MCHR2: variants seen among roughly 807,000 people sequenced by gnomAD.
The protein encoded by MCHR2 is melanin-concentrating hormone receptor 2.
Under a neutral mutation model 24.8 loss-of-function variants are expected in MCHR2, and 15 were observed. The observed-to-expected ratio is 0.60, with a 90% CI of 0.40 to 0.93. MCHR2 has a LOEUF of 0.93. MCHR2 is among the 40% of genes least tolerant of loss of function. The pLI is 0.00. For missense variants in MCHR2, 386 were observed against 408.7 expected, an observed-to-expected ratio of 0.94 and a Z score of 0.48; for synonymous variants, 151 against 147.6, an observed-to-expected ratio of 1.02 and a Z score of -0.17.
chr6:99,939,872 GT>G (rs34233035), intron 4 of MCHR2, among the ~76,000 whole-genome samples: 6,562 of 107,936 alleles, frequency 0.061, 118 homozygotes, highest in African/African-American at 0.076. Context: ...GATGGCAGGT[GT>G]TTTTTTTTTT....
intron 1 of MCHR2, among the ~76,000 whole-genome samples, chr6:99,970,926 T>C (rs570010159): frequency 0.019 from 2,891 of 152,314 alleles, 32 homozygotes; most frequent in Middle Eastern, 0.048. Context: ...TCTATATCTC[T>C]GTTTTGGTAC....
intron 1 of MCHR2, among the ~76,000 whole-genome samples, chr6:99,972,722 T>C (rs374334920): frequency 4.3e-4 from 66 of 152,262 alleles, no homozygotes; most frequent in African/African-American, 1.2e-3. Flanking sequence ...TCCCTCTACA[T>C]ACTGCTTTGA....
At chr6:99,961,548 C>T (rs1177828606) in intron 1 of MCHR2, among the ~76,000 whole-genome samples, 1 of 152,096 alleles carries the variant, frequency 6.6e-6, no homozygotes, top group African/African-American at 2.4e-5. Context: ...AAGTTCATGT[C>T]CTTTGCGGGG....
chr6:99,926,977 G>T (rs573601840), intron 5 of MCHR2, among the ~76,000 whole-genome samples: 1 of 151,956 alleles, frequency 6.6e-6, no homozygotes, highest in Non-Finnish European at 1.5e-5. Flanking sequence ...TAGGTCTAAC[G>T]TTAAGTCTTT....
intron 1 of MCHR2, among the ~76,000 whole-genome samples, chr6:99,987,082 G>A (rs1379999521): frequency 2.0e-5 from 3 of 147,206 alleles, no homozygotes; most frequent in East Asian, 3.9e-4. Flanking sequence ...TGTTTGTTGT[G>A]TTGTGTTGTA....
At chr6:99,947,690 G>T in intron 3 of MCHR2, 72 bp downstream of exon 3, 1 of 1,481,150 alleles carries the variant, frequency 6.8e-7, no homozygotes, top group South Asian at 1.3e-5. Context: ...ACTGGTGTTG[G>T]AATTGGAATG....
At chr6:99,982,219 TG>T (rs1311687670) in intron 1 of MCHR2, among the ~76,000 whole-genome samples, 1 of 152,066 alleles carries the variant, frequency 6.6e-6, no homozygotes, top group Non-Finnish European at 1.5e-5. Flanking sequence ...CAGTCTTTTG[TG>T]GTCCATTTCA....
In MCHR2 at chr6:99,978,153, A is replaced by G. The variant is rs962021720; in HGVS notation, c.-28+15783T>C. Reference sequence around the variant, plus strand: ...CAGAGACAAGGTAGGTTTCCACTTGATTAGCAGCATTTCAGCGGCTCCAGG... The same window carrying G: ...CAGAGACAAGGTAGGTTTCCACTTGGTTAGCAGCATTTCAGCGGCTCCAGG... On this transcript the variant is annotated intron_variant, in intron 1 of 5. Coordinates refer to ENST00000281806, the MANE Select transcript of MCHR2 (RefSeq NM_001040179.2). Among the ~76,000 whole-genome samples, 17 of 152,172 alleles carry G rather than the reference A, an allele frequency of 1.1e-4. No individual in the cohort carries two copies. In the East Asian group the frequency reaches 3.3e-3, roughly 29 times the overall value.
intron 1 of MCHR2, among the ~76,000 whole-genome samples, chr6:99,978,300 C>T (rs935558006): frequency 6.6e-6 from 1 of 152,054 alleles, no homozygotes; most frequent in South Asian, 2.1e-4. Context: ...GTATTCAATG[C>T]ATGACACAGA....
At chr6:99,962,026 T>A (rs1241936633) in intron 1 of MCHR2, among the ~76,000 whole-genome samples, 1 of 152,180 alleles carries the variant, frequency 6.6e-6, no homozygotes, top group Non-Finnish European at 1.5e-5. Flanking sequence ...TTTTTAAAAT[T>A]TCTTTATTAA....
At chr6:99,924,972 G>T (rs1774319358) in intron 5 of MCHR2, among the ~76,000 whole-genome samples, 1 of 152,076 alleles carries the variant, frequency 6.6e-6, no homozygotes, top group Non-Finnish European at 1.5e-5. Context: ...CTGGCTGGAA[G>T]ATTTGTTCAA....
chr6:99,936,622 A>C (rs542387339), intron 4 of MCHR2, among the ~76,000 whole-genome samples: 8 of 151,864 alleles, frequency 5.3e-5, no homozygotes, highest in Non-Finnish European at 1.0e-4. Flanking sequence ...GTCGGGTAGC[A>C]TGATGCCTCT....
At chr6:99,993,618 C>G (rs112305217) in intron 1 of MCHR2, among the ~76,000 whole-genome samples, 56 of 152,278 alleles carry the variant, frequency 3.7e-4, no homozygotes, top group Non-Finnish European at 4.7e-4. Context: ...CCAGCGGTCT[C>G]GGTCGGGGCC....
At chr6:99,961,657 G>T (rs901770665) in intron 1 of MCHR2, among the ~76,000 whole-genome samples, 2 of 152,110 alleles carry the variant, frequency 1.3e-5, no homozygotes, top group African/African-American at 4.8e-5. Flanking sequence ...GTTGAACAAC[G>T]AGAACACATA....
intron 4 of MCHR2, among the ~76,000 whole-genome samples, chr6:99,938,815 G>T (rs1162034676): frequency 6.6e-6 from 1 of 152,030 alleles, no homozygotes; most frequent in Non-Finnish European, 1.5e-5. Context: ...TTGCATTGCA[G>T]CCCTCTCTCT....
intron 1 of MCHR2, among the ~76,000 whole-genome samples, chr6:99,969,923 G>A (rs1015298952): frequency 6.8e-6 from 1 of 148,130 alleles, no homozygotes; most frequent in African/African-American, 2.5e-5. Context: ...AGTATTCCAT[G>A]GTGTATATGT....
chr6:99,964,338 A>G (rs1463215673), intron 1 of MCHR2, among the ~76,000 whole-genome samples: 1 of 152,176 alleles, frequency 6.6e-6, no homozygotes, highest in Non-Finnish European at 1.5e-5. Flanking sequence ...ATATTCATTT[A>G]AAATGCCTTA....
In MCHR2 at chr6:99,938,754, T is replaced by C. The variant is rs1469078653; in HGVS notation, c.587+4195A>G. The stretch of plus-strand genomic sequence containing the variant: ...GCCGTTTCTTTGTTGATTTTCTGTC[T>C]GGATGATCTGTCGATAACAGAGAAT... On this transcript the variant is annotated intron_variant, in intron 4 of 5. Coordinates refer to ENST00000281806, the MANE Select transcript of MCHR2 (RefSeq NM_001040179.2). Among the ~76,000 whole-genome samples the C allele has an allele frequency of 4.6e-5, 7 of 152,098 alleles. No individual in the cohort carries two copies. The East Asian group carries it at 1.3e-3, about 29-fold the overall frequency.
chr6:99,968,050 C>A (rs1238409232), intron 1 of MCHR2, among the ~76,000 whole-genome samples: 1 of 151,640 alleles, frequency 6.6e-6, no homozygotes, highest in Non-Finnish European at 1.5e-5. Flanking sequence ...TGTGATAATC[C>A]AAAAAAAGTA....
Sources: gnomAD v4.1 joint callset for allele counts (sites outside exome capture counted in the v4.1 genomes callset) on GRCh38, gnomAD v4.1.1 for gene constraint, MANE v1.5 for transcripts, NCBI Gene and HGNC (gene_info 2026-07-23, HGNC 2026-07-21) for gene names.